Variants in ARMC9 observed in about 807,000 individuals in gnomAD.
ARMC9 encodes the protein lisH domain-containing protein ARMC9.
Under a neutral mutation model 107.0 loss-of-function variants are expected in ARMC9, and 94 were observed. The observed-to-expected ratio is 0.88, with a 90% CI of 0.74 to 1.04. The LOEUF (loss-of-function observed/expected upper bound fraction) is 1.04. Ranked by LOEUF, ARMC9 falls within the 50% of genes least tolerant of loss-of-function variation. The pLI, the probability that ARMC9 is intolerant of heterozygous loss-of-function variation, is 0.00. For synonymous variants in ARMC9, 380 were observed against 396.9 expected, an observed-to-expected ratio of 0.96 and a Z score of 0.51; for missense variants, 942 against 1,030.1, an observed-to-expected ratio of 0.91 and a Z score of 1.17.
rs935627686 is a variant in ARMC9 at position 231,360,542 on chromosome 2, C to T, written c.2132-212C>T. 2.6e-5 allele frequency among the ~76,000 whole-genome samples: 4 copies of T among 152,150 alleles called. No individual in the cohort carries two copies. The highest frequency in any genetic ancestry group is 5.9e-5 in the Non-Finnish European group (4 of 68,008). On this transcript the variant is annotated intron_variant, in intron 22 of 24. Transcript: ENST00000611582. This position sits in a 1 kb window ranked among gnomAD's most constrained non-coding sequence, Gnocchi z 4.7. ...CTGAACCTCCCTGGGCTGTGCCTGTCACCACCAGCAGTGTGCCTGCCATCC... is the reference window on the plus strand; with the variant it reads ...CTGAACCTCCCTGGGCTGTGCCTGTTACCACCAGCAGTGTGCCTGCCATCC...
intron 13 of ARMC9, 151 bp from the exon 14 acceptor site, chr2:231,272,804 C>T: frequency 9.9e-7 from 1 of 1,006,858 alleles, no homozygotes; most frequent in Non-Finnish European, 1.4e-6. Flanking sequence ...GCGTGAGCCA[C>T]CGCGCCCTGC....
At chr2:231,240,296 G>C (rs1444200530) in intron 9 of ARMC9, 2 of 512,988 alleles carry the variant, frequency 3.9e-6, no homozygotes, top group Non-Finnish European at 6.9e-6. Context: ...GGGTTCCCAG[G>C]GTTGGGGATC....
chr2:231,327,418 T>C (rs1032663803), intron 19 of ARMC9, among the ~76,000 whole-genome samples: 1 of 152,224 alleles, frequency 6.6e-6, no homozygotes, highest in Non-Finnish European at 1.5e-5. Flanking sequence ...CAGAATGTTA[T>C]AGAAATGGAA....
chr2:231,262,512 G>A, intron 12 of ARMC9, 114 bp downstream of exon 12: 1 of 1,039,152 alleles, frequency 9.6e-7, no homozygotes, highest in South Asian at 1.4e-5. Flanking sequence ...GTAACTGTAT[G>A]TCAGCCTTGA....
chr2:231,274,347 ACCT>A (rs2039589814), intron 14 of ARMC9, among the ~76,000 whole-genome samples: 1 of 151,836 alleles, frequency 6.6e-6, no homozygotes, highest in Admixed American at 6.6e-5. Context: ...CGAACTCCTA[ACCT>A]TGTGATCCAC....
rs1486376421 is a variant in ARMC9, at chr2:231,296,362, T to C, written c.1773+109T>C. The C allele has an allele frequency of 1.0e-5, 10 of 974,276 alleles. No homozygotes were observed. The Admixed American group carries it at 2.3e-4, about 23-fold the overall frequency. 60.4% of individuals were successfully genotyped at this position (974,276 alleles called of 1,614,324 possible). ...TGGAGATTTTTCATTCCTGCTACACTATTTCTCACAATTCTGAGGGTTGGC... is the reference window on the plus strand; with the variant it reads ...TGGAGATTTTTCATTCCTGCTACACCATTTCTCACAATTCTGAGGGTTGGC... On this transcript the variant is annotated intron_variant, in intron 19 of 24. Transcript: ENST00000611582.
chr2:231,241,852 T>C (rs1471567760), intron 9 of ARMC9, among the ~76,000 whole-genome samples: 1 of 152,160 alleles, frequency 6.6e-6, no homozygotes, highest in Non-Finnish European at 1.5e-5. Flanking sequence ...GGCTGCAGAC[T>C]GGGCTCTGAG....
chr2:231,239,817 T>TA, intron 8 of ARMC9, 126 bp from the exon 9 acceptor site: 1 of 763,176 alleles, frequency 1.3e-6, no homozygotes, highest in Non-Finnish European at 2.3e-6. Flanking sequence ...TTTTCTGGCT[T>TA]ACATACCTCA....
Position 231,208,209 on chromosome 2 carries a change from C to T in ARMC9, c.134C>T (p.Thr45Ile), listed in dbSNP as rs1432660469. ...CKIKGKPLCK[T>I]VGGSFRDSKS... ...ATAAAAGGAAAACCATTGTGTAAAACAGTAGGCGGATCTTTCAGAGACTCC... is the reference window on the plus strand; with the variant it reads ...ATAAAAGGAAAACCATTGTGTAAAATAGTAGGCGGATCTTTCAGAGACTCC... Residue 45 changes from threonine (T) to isoleucine (I), a missense_variant, in exon 3 of 25, where the codon ACA becomes ATA. Physicochemically the swap from Thr to Ile is moderately conservative, Grantham distance 89. Coordinates refer to ENST00000611582, the MANE Select transcript of ARMC9 (RefSeq NM_001352754.2). The T allele has an allele frequency of 2.5e-6, 4 of 1,610,202 alleles. No individual in the cohort carries two copies. Among genetic ancestry groups the T allele is most frequent in the East Asian group, 4.5e-5 (2 of 44,814 alleles).
At chr2:231,210,856 C>T (rs2032733629) in intron 3 of ARMC9, among the ~76,000 whole-genome samples, 2 of 152,190 alleles carry the variant, frequency 1.3e-5, no homozygotes, top group African/African-American at 4.8e-5. Context: ...AAACAGATCT[C>T]TAGAATTTTT....
intron 17 of ARMC9, chr2:231,288,852 A>G (rs2040796025): frequency 1.6e-5 from 6 of 369,458 alleles, no homozygotes; most frequent in Admixed American, 7.3e-5. Context: ...ACATCTGCAC[A>G]TGACAAATTG....
chr2:231,205,845 T>G (rs1574835768), intron 1 of ARMC9, among the ~76,000 whole-genome samples: 1 of 152,210 alleles, frequency 6.6e-6, no homozygotes, highest in South Asian at 2.1e-4. Flanking sequence ...CCTCCTTGTC[T>G]TATGCCACTT....
chr2:231,203,928 C>T (rs1463192776), intron 1 of ARMC9, among the ~76,000 whole-genome samples: 3 of 152,068 alleles, frequency 2.0e-5, no homozygotes, highest in African/African-American at 4.8e-5. Flanking sequence ...CCATTCTACT[C>T]CAGCCCAAGC....
chr2:231,302,196 G>T (rs1385888702), intron 19 of ARMC9, among the ~76,000 whole-genome samples: 1 of 151,686 alleles, frequency 6.6e-6, no homozygotes, highest in African/African-American at 2.4e-5. Flanking sequence ...TCCAATTTTT[G>T]GTTTCAGGAG....
rs556943982 is a variant in ARMC9, at chr2:231,376,333, G to A, written c.*4798G>A. Among the ~76,000 whole-genome samples the A allele has an allele frequency of 1.4e-4, 21 of 152,270 alleles. No homozygotes were observed. The highest frequency in any genetic ancestry group is 4.8e-4 in the African/African-American group (20 of 41,536). On this transcript the variant is annotated 3_prime_UTR_variant, in exon 25 of 25. Transcript: ENST00000611582. ...TTTCTCTTCTTTCAAAAGCAAATGG[G>A]AGAAATATCGCTGAATTCTTTTTCT...
intron 8 of ARMC9, among the ~76,000 whole-genome samples, chr2:231,239,078 A>G (rs934291590): frequency 1.3e-5 from 2 of 152,166 alleles, no homozygotes; most frequent in Non-Finnish European, 2.9e-5. Context: ...ACTATTTTCA[A>G]TTATCATGCC....
At chr2:231,281,202 G>A (rs909604603) in intron 16 of ARMC9, among the ~76,000 whole-genome samples, 1 of 151,464 alleles carries the variant, frequency 6.6e-6, no homozygotes, top group South Asian at 2.1e-4. Flanking sequence ...TACAAGAAGC[G>A]GAAGTGAGTG....
intron 19 of ARMC9, among the ~76,000 whole-genome samples, chr2:231,326,426 C>T (rs2043321958): frequency 6.6e-6 from 1 of 152,196 alleles, no homozygotes; most frequent in Non-Finnish European, 1.5e-5. Flanking sequence ...CTCAGTAGCC[C>T]CTTCCCTGAG....
intron 1 of ARMC9, among the ~76,000 whole-genome samples, chr2:231,204,155 C>T (rs1272239474): frequency 8.3e-6 from 1 of 120,532 alleles, no homozygotes; most frequent in Non-Finnish European, 1.6e-5. Flanking sequence ...GCCTGGGCAA[C>T]AGAGGGAAAC....
Sources: allele counts gnomAD v4.1 joint callset (sites outside exome capture counted in the v4.1 genomes callset), GRCh38; gene constraint gnomAD v4.1.1; non-coding constraint Gnocchi (gnomAD v3.1); transcripts MANE v1.5; gene names NCBI Gene and HGNC (gene_info 2026-07-23, HGNC 2026-07-21).